Variants in STAM2 observed in about 807,000 individuals in gnomAD.
STAM2 encodes signal transducing adaptor molecule 2, also known as signal transducing adapter molecule 2.
In STAM2, 51 loss-of-function variants were observed where a neutral mutation model predicts 65.6. That is an observed-to-expected ratio of 0.78 (90% CI 0.62 to 0.98). The LOEUF (loss-of-function observed/expected upper bound fraction) is 0.98. STAM2 is among the 50% of genes least tolerant of loss of function. The probability of loss-of-function intolerance (pLI) is 0.00; values close to 1 mark genes in which losing one functional copy is unlikely to be tolerated. For synonymous variants in STAM2, 198 were observed against 208.4 expected (o/e 0.95, Z 0.43); for missense variants, 584 against 617.8 (o/e 0.95, Z 0.58).
rs59011840 is a variant in STAM2 at position 152,122,057 on chromosome 2, A to AAT, written c.1350-1257_1350-1256dup. ...AGTGAGACTCCGTCCCCAAAAAAAA[A>AAT]ATATATATATATATATATATGTGTG... On this transcript the variant is annotated intron_variant, in intron 13 of 13. Transcript: ENST00000263904. Among the ~76,000 whole-genome samples, 690 of 131,732 alleles carry AAT rather than the reference A, an allele frequency of 5.2e-3. 4 individuals are homozygous for AAT. The Middle Eastern group carries it at 0.054, about 10-fold the overall frequency. The allele number at this position is 131,732 out of a possible 152,430, so 86.4% of individuals were successfully genotyped here.
Position 152,117,781 on chromosome 2 carries a change from T to C in STAM2, c.*2793A>G, listed in dbSNP as rs1307294173. 1 of 152,122 alleles carries C rather than the reference T, an allele frequency of 6.6e-6. No individual in the cohort carries two copies. Among genetic ancestry groups the C allele is most frequent in the Non-Finnish European group, 1.5e-5 (1 of 67,978 alleles). The allele number at this position is 152,122 out of a possible 1,614,324, so 9.4% of individuals were successfully genotyped here. On this transcript the variant is annotated 3_prime_UTR_variant, in exon 14 of 14. Coordinates refer to ENST00000263904, the MANE Select transcript of STAM2 (RefSeq NM_005843.6). ...CTATATGTTTTTAAAACATTTAAAA[T>C]TGATTTTTTAAATTTTGAAAGTGAA...
chr2:152,134,216 A>G, intron 8 of STAM2, among the ~76,000 whole-genome samples: 1 of 152,214 alleles, frequency 6.6e-6, no homozygotes, highest in East Asian at 1.9e-4. Flanking sequence ...TTAGTCATTT[A>G]TTTCAAATAT....
At chr2:152,158,247 G>C (rs1255132629) in intron 1 of STAM2, among the ~76,000 whole-genome samples, 2 of 152,088 alleles carry the variant, frequency 1.3e-5, no homozygotes, top group Non-Finnish European at 2.9e-5. Flanking sequence ...GAAGCCAAGG[G>C]GGGTGGATCA....
intron 1 of STAM2, among the ~76,000 whole-genome samples, chr2:152,168,525 C>T (rs536397294): frequency 2.6e-5 from 4 of 152,232 alleles, no homozygotes; most frequent in South Asian, 4.2e-4. Flanking sequence ...AGAGACACAT[C>T]CACCTAACTA....
chr2:152,167,731 G>GA (rs11384182), intron 1 of STAM2, among the ~76,000 whole-genome samples: 60,068 of 141,708 alleles, frequency 0.42, 14,277 homozygotes, highest in African/African-American at 0.67. Context: ...CTCATTTCTA[G>GA]AAAAAAATAA....
chr2:152,150,580 C>T (rs1304393526), intron 1 of STAM2, among the ~76,000 whole-genome samples: 2 of 152,144 alleles, frequency 1.3e-5, no homozygotes, highest in Non-Finnish European at 2.9e-5. Flanking sequence ...GCAGGAAGAT[C>T]GTTTGAGGCC....
intron 1 of STAM2, among the ~76,000 whole-genome samples, chr2:152,153,595 A>G (rs1579327369): frequency 6.6e-6 from 1 of 152,192 alleles, no homozygotes; most frequent in East Asian, 1.9e-4. Flanking sequence ...TTAGAAAAGT[A>G]ATACATTTTT....
intron 1 of STAM2, among the ~76,000 whole-genome samples, chr2:152,166,451 G>C (rs1187561021): frequency 6.6e-6 from 1 of 152,126 alleles, no homozygotes; most frequent in Non-Finnish European, 1.5e-5. Flanking sequence ...TAGTTGTCAA[G>C]TAACCAGAGT....
At chr2:152,130,078 A>T (rs879299523) in intron 11 of STAM2, among the ~76,000 whole-genome samples, 1 of 152,100 alleles carries the variant, frequency 6.6e-6, no homozygotes, top group African/African-American at 2.4e-5. Context: ...TTCAATAAAT[A>T]CCACTAGAAA....
chr2:152,138,653 TAGAA>T (rs1359632391), intron 7 of STAM2, among the ~76,000 whole-genome samples: 14 of 152,188 alleles, frequency 9.2e-5, no homozygotes, highest in African/African-American at 2.9e-4. Context: ...TTATGAGCAC[TAGAA>T]AGAGACGAAA....
chr2:152,152,558 C>G (rs1272879587), intron 1 of STAM2, among the ~76,000 whole-genome samples: 2 of 140,976 alleles, frequency 1.4e-5, no homozygotes, highest in African/African-American at 2.6e-5. Flanking sequence ...CAAAAAAAAA[C>G]AACAAAAAAA....
intron 1 of STAM2, among the ~76,000 whole-genome samples, chr2:152,175,275 AG>A (rs1366635385): frequency 6.6e-6 from 1 of 152,238 alleles, no homozygotes; most frequent in Non-Finnish European, 1.5e-5. Flanking sequence ...TCGAACGAGC[AG>A]GAAGTTTTTA....
chr2:152,158,039 C>T (rs1480722129), intron 1 of STAM2, among the ~76,000 whole-genome samples: 1 of 152,272 alleles, frequency 6.6e-6, no homozygotes, highest in African/African-American at 2.4e-5. Context: ...GTCAGCATAA[C>T]CCAAATGTTA....
intron 13 of STAM2, among the ~76,000 whole-genome samples, chr2:152,121,096 C>T (rs1336342783): frequency 6.6e-6 from 1 of 151,944 alleles, no homozygotes; most frequent in Non-Finnish European, 1.5e-5. Context: ...TCCTGAGTAG[C>T]TGGGACTATT....
intron 7 of STAM2, among the ~76,000 whole-genome samples, chr2:152,138,340 T>C (rs559424422): frequency 2.4e-4 from 37 of 152,116 alleles, no homozygotes; most frequent in Non-Finnish European, 4.4e-4. Flanking sequence ...TTCTAGATCA[T>C]TTATATAATT....
At chr2:152,150,748 G>A (rs564934112) in intron 1 of STAM2, among the ~76,000 whole-genome samples, 4 of 152,356 alleles carry the variant, frequency 2.6e-5, no homozygotes, top group African/African-American at 9.6e-5. Context: ...CAAGGCTGCA[G>A]TGAGCTATTA....
chr2:152,172,989 T>A (rs1448844343), intron 1 of STAM2, among the ~76,000 whole-genome samples: 1 of 152,038 alleles, frequency 6.6e-6, no homozygotes, highest in African/African-American at 2.4e-5. Flanking sequence ...CTATTTTAAA[T>A]AAAAGAGGAT....
rs182324497 is a variant in STAM2 at position 152,174,875 on chromosome 2, C to T, written c.40+728G>A. On this transcript the variant is annotated intron_variant, in intron 1 of 13. Transcript: ENST00000263904. ...GTTACTCAAATTTCCTAAATAATTT[C>T]GTATATATCTTATCCATGTTTTTCT... 4.6e-5 allele frequency among the ~76,000 whole-genome samples: 7 copies of T among 152,284 alleles called. No individual in the cohort carries two copies. The East Asian group carries it at 1.4e-3, about 29-fold the overall frequency.
intron 1 of STAM2, among the ~76,000 whole-genome samples, chr2:152,155,914 T>G (rs1689534383): frequency 6.6e-6 from 1 of 152,228 alleles, no homozygotes; most frequent in Admixed American, 6.5e-5. Flanking sequence ...TTCTATTATT[T>G]AAGAATCTAT....
Sources: allele counts gnomAD v4.1 joint callset (sites outside exome capture counted in the v4.1 genomes callset), GRCh38; gene constraint gnomAD v4.1.1; transcripts MANE v1.5; gene names NCBI Gene and HGNC (gene_info 2026-07-23, HGNC 2026-07-21).